Variants in CPT1A observed in about 807,000 individuals in gnomAD.
The protein encoded by CPT1A is carnitine O-palmitoyltransferase 1, liver isoform.
In CPT1A, 64 loss-of-function variants were observed where a neutral mutation model predicts 100.8. The ratio of observed to expected loss-of-function variants is 0.63; its 90% CI spans 0.52 to 0.78. CPT1A has a LOEUF of 0.78. CPT1A is among the 30% of genes least tolerant of loss of function. The probability of loss-of-function intolerance (pLI) is 0.00; values close to 1 mark genes in which losing one functional copy is unlikely to be tolerated. For synonymous variants in CPT1A, 363 were observed against 396.0 expected, an observed-to-expected ratio of 0.92 and a Z score of 0.99; for missense variants, 802 against 1,034.1, an observed-to-expected ratio of 0.78 and a Z score of 3.08.
rs3019597 is a variant in CPT1A at position 68,761,890 on chromosome 11, C to T, written c.1876-203G>A. Among the ~76,000 whole-genome samples the T allele has an allele frequency of 0.86, 131,401 of 151,962 alleles. 57,733 individuals are homozygous for T. The highest frequency in any genetic ancestry group is 0.93 in the Non-Finnish European group (63,386 of 67,978). The stretch of plus-strand genomic sequence containing the variant: ...CCTCCCAAAGTACTGGGATTACAGG[C>T]GTGAGTCACCGCGCCCGGTCTGACA... On this transcript the variant is annotated intron_variant, in intron 15 of 18. Transcript: ENST00000265641.
chr11:68,812,012 G>A (rs1048985746), intron 3 of CPT1A, among the ~76,000 whole-genome samples: 1 of 152,138 alleles, frequency 6.6e-6, no homozygotes, highest in Non-Finnish European at 1.5e-5. Flanking sequence ...TCCCTGCAGA[G>A]GACCCCACAG....
rs143793525 is a variant in CPT1A, at chr11:68,769,237, T to C, written c.1740+4028A>G. On this transcript the variant is annotated intron_variant, in intron 14 of 18. Coordinates refer to ENST00000265641, the MANE Select transcript of CPT1A (RefSeq NM_001876.4). ...TACGAGGACTGCAGCATTTTATTTT[T>C]ATTAAAAACAATTTTTTTAAAGATA... is the stretch of plus-strand genomic sequence containing the variant. Among the ~76,000 whole-genome samples, 398 of 152,264 alleles carry C rather than the reference T, an allele frequency of 2.6e-3. 3 individuals carry two copies. The Middle Eastern group carries it at 0.054, about 21-fold the overall frequency.
chr11:68,773,527 A>C, intron 13 of CPT1A, 98 bp from the exon 14 acceptor site: 2 of 1,583,358 alleles, frequency 1.3e-6, no homozygotes, highest in Non-Finnish European at 1.7e-6. Context: ...GTGCAGCTAT[A>C]AACTCGGTAC....
intron 3 of CPT1A, among the ~76,000 whole-genome samples, chr11:68,809,274 T>C (rs1260034039): frequency 6.6e-6 from 1 of 152,088 alleles, no homozygotes; most frequent in Admixed American, 6.6e-5. Context: ...CATTTTAGAT[T>C]ACTGAAAGAA....
rs1555226417 is a variant in CPT1A, at chr11:68,761,533, A to C, written c.2028+2T>G. The C allele has an allele frequency of 6.2e-7, 1 of 1,613,880 alleles. No homozygotes were observed. Among genetic ancestry groups the C allele is most frequent in the Non-Finnish European group, 8.5e-7 (1 of 1,179,840 alleles). ...CTGACGGAAGAAGTGGAAGAGACTT[A>C]CTTCCTTAAGGAAAGGGGACTCCAC... is the stretch of plus-strand genomic sequence containing the variant. On this transcript the variant is annotated splice_donor_variant, in intron 16 of 18. Coordinates refer to ENST00000265641, the MANE Select transcript of CPT1A (RefSeq NM_001876.4). LOFTEE classifies it high-confidence loss of function.
intron 7 of CPT1A, among the ~76,000 whole-genome samples, chr11:68,796,128 C>T (rs1471738700): frequency 1.3e-5 from 2 of 152,226 alleles, no homozygotes; most frequent in Non-Finnish European, 2.9e-5. Flanking sequence ...ACCCCTCTGG[C>T]GTCTCAGAAA....
In CPT1A at chr11:68,784,843, T is replaced by C. The variant is rs141760972; in HGVS notation, c.1135A>G (p.Arg379Gly). ...TCTCCTGCGGTGAGGGCTGCCAGCC[T>C]GGCCTCCCCGGGCTGAGGCTCCGAG... ...NTSEPQPGEA[R>G]LAALTAGDRV... is the part of the protein sequence containing the mutation. The change falls in exon 10 of 19, where the codon AGG becomes GGG. Residue 379 changes from arginine (R) to glycine (G), a missense_variant. Physicochemically the swap from Arg to Gly is moderately radical, Grantham distance 125. This residue lies in a region of CPT1A where 627 missense variants were observed against 799.3 expected (regional missense o/e 0.78). Transcript: ENST00000265641. 13 of 1,612,328 alleles carry C rather than the reference T, an allele frequency of 8.1e-6. No homozygotes were observed. Among genetic ancestry groups the C allele is most frequent in the Non-Finnish European group, 1.1e-5 (13 of 1,180,022 alleles).
At chr11:68,790,557 C>T (rs1299558420) in intron 9 of CPT1A, among the ~76,000 whole-genome samples, 1 of 152,172 alleles carries the variant, frequency 6.6e-6, no homozygotes, top group African/African-American at 2.4e-5. Flanking sequence ...CCTGGACCCC[C>T]CCAGAAGCTG....
At chr11:68,775,564 A>G (rs1442194957) in intron 12 of CPT1A, 132 bp from the exon 13 acceptor site, 4 of 715,574 alleles carry the variant, frequency 5.6e-6, no homozygotes, top group South Asian at 1.6e-5. Context: ...GGCTTCCAGT[A>G]TGCTCAGCAC....
chr11:68,766,938 T>C (rs1220896843), intron 14 of CPT1A, among the ~76,000 whole-genome samples: 1 of 152,116 alleles, frequency 6.6e-6, no homozygotes, highest in Non-Finnish European at 1.5e-5. Context: ...GGGAAACTTC[T>C]GTAAAATGCA....
chr11:68,802,852 G>A (rs1412820321), intron 5 of CPT1A, among the ~76,000 whole-genome samples: 30 of 142,828 alleles, frequency 2.1e-4, no homozygotes, highest in Admixed American at 9.5e-4. Flanking sequence ...AGCCAAGATC[G>A]CGCCACTGCA....
chr11:68,790,151 G>A (rs1156878720), intron 9 of CPT1A, among the ~76,000 whole-genome samples: 2 of 151,874 alleles, frequency 1.3e-5, no homozygotes, highest in Non-Finnish European at 2.9e-5. Context: ...GCTCACTACA[G>A]TCTCCACCTC....
At chr11:68,780,264 T>C (rs1435567236) in intron 12 of CPT1A, among the ~76,000 whole-genome samples, 1 of 152,156 alleles carries the variant, frequency 6.6e-6, no homozygotes, top group African/African-American at 2.4e-5. Context: ...CTAAATTGAC[T>C]GTGGGGTTTG....
rs11311321 is a variant in CPT1A, at chr11:68,803,844, GA to G, written c.555+155del. Among the ~76,000 whole-genome samples the G allele has an allele frequency of 0.011, 1,157 of 108,818 alleles. 13 individuals carry two copies. Among genetic ancestry groups the G allele is most frequent in the African/African-American group, 0.057 (892 of 15,786 alleles). 71.4% of individuals were successfully genotyped at this position (108,818 alleles called of 152,430 possible). A position where few individuals can be genotyped will look rare whatever the true frequency, so the allele number is the denominator to read the frequency against. ...TAAGATGCAGCAGTGATGCATTGGA[GA>G]AAAAAAAAAAAAAGAGTTCCTATGA... is the stretch of plus-strand genomic sequence containing the variant. On this transcript the variant is annotated intron_variant, in intron 5 of 18. Coordinates refer to ENST00000265641, the MANE Select transcript of CPT1A (RefSeq NM_001876.4).
intron 14 of CPT1A, among the ~76,000 whole-genome samples, chr11:68,771,097 G>C (rs1854975510): frequency 1.3e-5 from 2 of 152,198 alleles, no homozygotes; most frequent in African/African-American, 4.8e-5. Context: ...GGAGCAGATG[G>C]GGTGGCTTCC....
intron 12 of CPT1A, among the ~76,000 whole-genome samples, chr11:68,777,504 A>T (rs1855171865): frequency 6.6e-6 from 1 of 152,152 alleles, no homozygotes; most frequent in Non-Finnish European, 1.5e-5. Context: ...TCTTTAAGGG[A>T]CTGCACTGGG....
chr11:68,761,638 T>A lies in CPT1A; in HGVS notation c.1925A>T (p.His642Leu), dbSNP rs1594316656. ...GCCGGTCATGGCGAGGCGATACATA[T>A]GCTGATGCTTCTCAGACGCCAACTT... Reference protein sequence around the residue: ...LFKLASEKHQHMYRLAMTGSG... With the variant: ...LFKLASEKHQLMYRLAMTGSG... The change falls in exon 16 of 19, where the codon CAT becomes CTT. Residue 642 changes from histidine to leucine, a missense_variant. This residue lies in a region of CPT1A where 627 missense variants were observed against 799.3 expected (regional missense o/e 0.78). Transcript: ENST00000265641. 3 of 1,614,186 alleles carry A rather than the reference T, an allele frequency of 1.9e-6. No homozygotes were observed. In the East Asian group the frequency reaches 6.7e-5, roughly 36 times the overall value.
upstream of CPT1A, among the ~76,000 whole-genome samples, chr11:68,842,271 A>C (rs1372370026): frequency 2.6e-5 from 4 of 152,062 alleles, no homozygotes; most frequent in East Asian, 7.7e-4. Flanking sequence ...TCATGCAGAC[A>C]AGGGTCGCGG....
chr11:68,796,014 G>A (rs1196887884), intron 7 of CPT1A, among the ~76,000 whole-genome samples: 2 of 152,256 alleles, frequency 1.3e-5, no homozygotes, highest in East Asian at 3.9e-4. Context: ...AGTTCTATTT[G>A]CCAGTTATTA....
Sources: gnomAD v4.1 joint callset for allele counts (sites outside exome capture counted in the v4.1 genomes callset) on GRCh38, gnomAD v4.1.1 for gene constraint, gnomAD v4.1.1 regional missense constraint, MANE v1.5 for transcripts, NCBI Gene and HGNC (gene_info 2026-07-23, HGNC 2026-07-21) for gene names.